UBE3D: variants seen among roughly 807,000 people sequenced by gnomAD.
The protein encoded by UBE3D is E3 ubiquitin-protein ligase E3D.
UBE3D carries 48 observed loss-of-function variants against 49.6 expected under a neutral mutation model. That is an observed-to-expected ratio of 0.97 (90% CI 0.77 to 1.23). The LOEUF is 1.23. UBE3D is among the 50% of genes most tolerant of loss of function. UBE3D has a pLI of 0.00. For missense variants in UBE3D, 452 were observed against 468.4 expected (o/e 0.96, Z 0.32); for synonymous variants, 189 against 174.2 (o/e 1.08, Z -0.67).
chr6:83,062,520 C>T (rs1784235043), intron 1 of UBE3D, among the ~76,000 whole-genome samples: 1 of 152,124 alleles, frequency 6.6e-6, no homozygotes, highest in Admixed American at 6.5e-5. Context: ...AGTGAGAAAA[C>T]ATAGGGACAA....
intron 9 of UBE3D, among the ~76,000 whole-genome samples, chr6:82,895,244 G>C (rs1562059632): frequency 6.6e-6 from 1 of 152,190 alleles, no homozygotes; most frequent in East Asian, 1.9e-4. Context: ...CCATATGGTA[G>C]AGGTTGCAGT....
In UBE3D at chr6:82,912,509, T is replaced by C. The variant is rs1772603570; in HGVS notation, c.1150-19467A>G. On this transcript the variant is annotated intron_variant, in intron 9 of 9. Coordinates refer to ENST00000369747, the MANE Select transcript of UBE3D (RefSeq NM_198920.3). Reference sequence around the variant, plus strand: ...CAATCATTACAATGTAAAATTAGTCTTTTTTCCAATGAAAGTGGTGTAATA... The same window carrying C: ...CAATCATTACAATGTAAAATTAGTCCTTTTTCCAATGAAAGTGGTGTAATA... Among the ~76,000 whole-genome samples, 3 of 152,112 alleles carry C rather than the reference T, an allele frequency of 2.0e-5. No homozygotes were observed. In the South Asian group the frequency reaches 6.2e-4, roughly 32 times the overall value.
intron 9 of UBE3D, among the ~76,000 whole-genome samples, chr6:82,931,568 A>G (rs566943797): frequency 2.2e-4 from 34 of 152,244 alleles, no homozygotes; most frequent in Admixed American, 5.2e-4. Flanking sequence ...CCTGGATGTG[A>G]GACATGGAGT....
chr6:82,948,754 G>C (rs1453600365), intron 9 of UBE3D, among the ~76,000 whole-genome samples: 2 of 151,826 alleles, frequency 1.3e-5, no homozygotes, highest in Non-Finnish European at 2.9e-5. Flanking sequence ...ACAGAATGAA[G>C]GCCAAAAACC....
At chr6:83,014,421 G>T (rs1264846463) in intron 8 of UBE3D, among the ~76,000 whole-genome samples, 3 of 152,180 alleles carry the variant, frequency 2.0e-5, no homozygotes, top group Non-Finnish European at 2.9e-5. Context: ...CAATGTGGGG[G>T]TTCTGCCAGT....
intron 7 of UBE3D, among the ~76,000 whole-genome samples, chr6:83,020,721 C>CA (rs1186079232): frequency 2.6e-5 from 4 of 152,088 alleles, no homozygotes; most frequent in African/African-American, 7.2e-5. Flanking sequence ...AAATTATCTG[C>CA]AATTAGAAAA....
At chr6:83,039,502 C>G (rs561498931) in intron 4 of UBE3D, among the ~76,000 whole-genome samples, 1 of 152,300 alleles carries the variant, frequency 6.6e-6, no homozygotes, top group East Asian at 1.9e-4. Context: ...GAGCTGATGT[C>G]TGAATCTGGG....
chr6:83,027,412 G>T (rs1781542216), intron 5 of UBE3D, among the ~76,000 whole-genome samples: 1 of 106,262 alleles, frequency 9.4e-6, no homozygotes, highest in Non-Finnish European at 1.8e-5. Context: ...CTCCAGCCTG[G>T]CGACAGAGCG....
At chr6:82,935,431 T>C (rs1056992234) in intron 9 of UBE3D, among the ~76,000 whole-genome samples, 8 of 151,926 alleles carry the variant, frequency 5.3e-5, no homozygotes, top group African/African-American at 1.9e-4. Context: ...TGGGGACAAA[T>C]ATTCAAACTA....
At chr6:83,008,076 A>T (rs1437342144) in intron 8 of UBE3D, among the ~76,000 whole-genome samples, 2 of 152,206 alleles carry the variant, frequency 1.3e-5, no homozygotes, top group Non-Finnish European at 2.9e-5. Flanking sequence ...AGGCAGACAC[A>T]GTTTGATTTC....
At chr6:83,006,061 C>A (rs1294582287) in intron 8 of UBE3D, among the ~76,000 whole-genome samples, 2 of 151,998 alleles carry the variant, frequency 1.3e-5, no homozygotes, top group African/African-American at 2.4e-5. Flanking sequence ...CCCGTCTCTA[C>A]TAAAAATACA....
intron 9 of UBE3D, among the ~76,000 whole-genome samples, chr6:82,937,917 C>T (rs1165659348): frequency 3.3e-5 from 5 of 152,166 alleles, no homozygotes; most frequent in Non-Finnish European, 5.9e-5. Context: ...TCATTCCTGT[C>T]CCTTCCTGGC....
At chr6:82,969,564 T>G (rs1257942995) in intron 8 of UBE3D, among the ~76,000 whole-genome samples, 1 of 151,918 alleles carries the variant, frequency 6.6e-6, no homozygotes, top group African/African-American at 2.4e-5. Context: ...GTCAAGATCA[T>G]CCCACTGCAC....
chr6:83,006,772 G>C (rs1406603980), intron 8 of UBE3D, among the ~76,000 whole-genome samples: 1 of 152,202 alleles, frequency 6.6e-6, no homozygotes, highest in African/African-American at 2.4e-5. Context: ...GAGTGGGAAA[G>C]AGGGTTGTGG....
At chr6:83,039,706 G>A (rs184534690) in intron 4 of UBE3D, among the ~76,000 whole-genome samples, 74 of 152,068 alleles carry the variant, frequency 4.9e-4, no homozygotes, top group African/African-American at 1.7e-3. Context: ...GTGCAGTGGC[G>A]CGACCTTGGC....
chr6:82,902,182 T>C (rs1466870550), intron 9 of UBE3D, among the ~76,000 whole-genome samples: 5 of 152,144 alleles, frequency 3.3e-5, no homozygotes, highest in Non-Finnish European at 5.9e-5. Context: ...CTTCCACACA[T>C]TGCTGAGGAG....
At chr6:82,957,985 C>G (rs531412496) in intron 8 of UBE3D, among the ~76,000 whole-genome samples, 1 of 152,182 alleles carries the variant, frequency 6.6e-6, no homozygotes, top group South Asian at 2.1e-4. Context: ...ACTTATAATA[C>G]AAATAAAAGC....
intron 8 of UBE3D, among the ~76,000 whole-genome samples, chr6:83,001,941 T>C (rs1779664253): frequency 6.6e-6 from 1 of 152,108 alleles, no homozygotes; most frequent in African/African-American, 2.4e-5. Context: ...TAATTTTTTT[T>C]TTCAGCTGTG....
In UBE3D at chr6:82,906,438, CA is replaced by C. The variant is rs528012059; in HGVS notation, c.1150-13397del. 2.5e-4 allele frequency among the ~76,000 whole-genome samples: 38 copies of C among 152,326 alleles called. 1 individual carries two copies. Among genetic ancestry groups the C allele is most frequent in the African/African-American group, 9.1e-4 (38 of 41,588 alleles). On this transcript the variant is annotated intron_variant, in intron 9 of 9. Coordinates refer to ENST00000369747, the MANE Select transcript of UBE3D (RefSeq NM_198920.3). ...GATACTCAAACCTGCCCATCTTTGT[CA>C]GTAAAAACCTCTTCAACTTAGAGCC...
Sources: gnomAD v4.1 joint callset for allele counts (sites outside exome capture counted in the v4.1 genomes callset) on GRCh38, gnomAD v4.1.1 for gene constraint, MANE v1.5 for transcripts, NCBI Gene and HGNC (gene_info 2026-07-23, HGNC 2026-07-21) for gene names.